Variants in COL25A1 observed in about 807,000 individuals in gnomAD.
The protein encoded by COL25A1 is collagen alpha-1(XXV) chain.
A neutral mutation model predicts 128.4 loss-of-function variants in COL25A1; 103 were observed. That is an observed-to-expected ratio of 0.80 (90% CI 0.68 to 0.94). The LOEUF (loss-of-function observed/expected upper bound fraction) is 0.94. Among genes scored for constraint, COL25A1 ranks in the 40% least tolerant of loss-of-function variants. The pLI, the probability that COL25A1 is intolerant of heterozygous loss-of-function variation, is 0.00. For synonymous variants in COL25A1, 279 were observed against 277.2 expected, an observed-to-expected ratio of 1.01 and a Z score of -0.06; for missense variants, 745 against 840.0, an observed-to-expected ratio of 0.89 and a Z score of 1.40.
chr4:109,293,650 AACAG>A (rs1349508605), intron 3 of COL25A1, among the ~76,000 whole-genome samples: 3 of 152,164 alleles, frequency 2.0e-5, no homozygotes, highest in Admixed American at 1.3e-4. Flanking sequence ...CACGCAAATG[AACAG>A]ACATAGTCTT....
intron 18 of COL25A1, 119 bp from the exon 19 acceptor site, chr4:108,884,341 T>G (rs1307358309): frequency 5.4e-6 from 5 of 921,106 alleles, no homozygotes; most frequent in Non-Finnish European, 8.2e-6. Flanking sequence ...AAAAAAACCG[T>G]CTACTTTCAA....
At chr4:109,038,612 A>G (rs1220024336) in intron 5 of COL25A1, among the ~76,000 whole-genome samples, 1 of 152,206 alleles carries the variant, frequency 6.6e-6, no homozygotes, top group Non-Finnish European at 1.5e-5. Flanking sequence ...TGCCAGCAAT[A>G]CAGTGTAGAG....
intron 8 of COL25A1, among the ~76,000 whole-genome samples, chr4:108,965,211 G>A (rs17039589): frequency 0.097 from 14,728 of 152,134 alleles, 865 homozygotes; most frequent in East Asian, 0.18. Flanking sequence ...AAATTTACTC[G>A]AATACACTAG....
intron 5 of COL25A1, among the ~76,000 whole-genome samples, chr4:109,027,068 G>T (rs2125910035): frequency 6.6e-6 from 1 of 152,338 alleles, no homozygotes; most frequent in African/African-American, 2.4e-5. Context: ...AGTACCTACA[G>T]TGTGCAGGCA....
At chr4:108,897,905 A>T (rs1468399019) in intron 15 of COL25A1, among the ~76,000 whole-genome samples, 2 of 152,180 alleles carry the variant, frequency 1.3e-5, no homozygotes, top group African/African-American at 4.8e-5. Context: ...GGCAGGCCAC[A>T]AGAGCCTGGG....
At chr4:108,819,350 A>G in intron 35 of COL25A1, 21 bp from the exon 36 acceptor site, 2 of 1,586,278 alleles carry the variant, frequency 1.3e-6, no homozygotes, top group Non-Finnish European at 1.7e-6. Flanking sequence ...AGATTAACTC[A>G]TAATGTTACT....
chr4:108,858,938 T>A (rs1736840676), intron 24 of COL25A1, among the ~76,000 whole-genome samples: 1 of 152,068 alleles, frequency 6.6e-6, no homozygotes. Context: ...GACATAGAAG[T>A]TATTGTTGAC....
intron 16 of COL25A1, among the ~76,000 whole-genome samples, chr4:108,893,588 G>T (rs1283296835): frequency 6.6e-6 from 1 of 152,156 alleles, no homozygotes; most frequent in South Asian, 2.1e-4. Context: ...GTCTGGAAAG[G>T]TTTAGATTAC....
chr4:109,155,001 A>G lies in COL25A1; in HGVS notation c.368-104822T>C, dbSNP rs144128040. On this transcript the variant is annotated intron_variant, in intron 3 of 37. Coordinates refer to ENST00000399132, the MANE Select transcript of COL25A1 (RefSeq NM_198721.4). ...CCTCCTTCCCATTTTCCCCTCCCAT[A>G]TATTTGGATCTTTCTGACTACAAAG... 4.8e-3 allele frequency among the ~76,000 whole-genome samples: 724 copies of G among 152,202 alleles called. 6 individuals are homozygous for G. The highest frequency in any genetic ancestry group is 0.015 in the African/African-American group (640 of 41,534).
chr4:108,938,278 T>G (rs1012337354), intron 10 of COL25A1, among the ~76,000 whole-genome samples: 2 of 152,238 alleles, frequency 1.3e-5, no homozygotes, highest in African/African-American at 2.4e-5. Flanking sequence ...ATTATCATTT[T>G]CTTATATTCA....
At chr4:109,064,455 C>T (rs746371377) in intron 3 of COL25A1, among the ~76,000 whole-genome samples, 23 of 152,154 alleles carry the variant, frequency 1.5e-4, no homozygotes, top group Non-Finnish European at 2.6e-4. Context: ...GAATCCTTAC[C>T]AACAAATCAT....
intron 37 of COL25A1, among the ~76,000 whole-genome samples, chr4:108,815,858 G>A (rs1303909452): frequency 1.3e-5 from 2 of 152,100 alleles, no homozygotes; most frequent in African/African-American, 4.8e-5. Context: ...CAATTCAGAG[G>A]TGGCTAAGAA....
intron 11 of COL25A1, among the ~76,000 whole-genome samples, chr4:108,924,253 T>C (rs186495881): frequency 9.1e-4 from 139 of 152,340 alleles, no homozygotes; most frequent in African/African-American, 3.3e-3. Context: ...TAAACCTTTA[T>C]ACCAGTTTTA....
chr4:109,297,787 G>T (rs1216551292), intron 3 of COL25A1, among the ~76,000 whole-genome samples: 1 of 149,876 alleles, frequency 6.7e-6, no homozygotes, highest in Non-Finnish European at 1.5e-5. Context: ...TTGTCTAATG[G>T]ATAGCCACTA....
chr4:108,946,555 C>T (rs1001439137), intron 8 of COL25A1, among the ~76,000 whole-genome samples: 1 of 152,204 alleles, frequency 6.6e-6, no homozygotes, highest in Admixed American at 6.5e-5. Flanking sequence ...TTGTTGAGCA[C>T]CTTCTGTGCA....
At chr4:108,991,902 A>G (rs1754270779) in intron 6 of COL25A1, among the ~76,000 whole-genome samples, 1 of 152,212 alleles carries the variant, frequency 6.6e-6, no homozygotes, top group South Asian at 2.1e-4. Context: ...TTCAGGAATA[A>G]TTCCTTTTTA....
chr4:108,870,665 TTTAAC>T (rs1738602364), intron 19 of COL25A1, among the ~76,000 whole-genome samples: 1 of 152,028 alleles, frequency 6.6e-6, no homozygotes, highest in African/African-American at 2.4e-5. Flanking sequence ...AGTAAAAGAG[TTTAAC>T]TTAAGTCAAA....
intron 3 of COL25A1, among the ~76,000 whole-genome samples, chr4:109,125,763 A>G (rs1768538403): frequency 6.6e-6 from 1 of 152,104 alleles, no homozygotes; most frequent in East Asian, 1.9e-4. Flanking sequence ...GAAAGAGGTA[A>G]CAGTTGCCCC....
chr4:109,113,497 T>C (rs1313803139), intron 3 of COL25A1, among the ~76,000 whole-genome samples: 1 of 152,174 alleles, frequency 6.6e-6, no homozygotes, highest in African/African-American at 2.4e-5. Context: ...AATTCTCATG[T>C]GTCCATTTTG....
Sources: allele counts gnomAD v4.1 joint callset (sites outside exome capture counted in the v4.1 genomes callset), GRCh38; gene constraint gnomAD v4.1.1; transcripts MANE v1.5; gene names NCBI Gene and HGNC (gene_info 2026-07-23, HGNC 2026-07-21).